Variants in SOCS5 observed in about 807,000 individuals in gnomAD.
SOCS5 encodes suppressor of cytokine signaling 5, also known as CIS-6.
In SOCS5, 32 loss-of-function variants were observed where a neutral mutation model predicts 42.8. The observed-to-expected ratio is 0.75, with a 90% CI of 0.56 to 1.01. The LOEUF (loss-of-function observed/expected upper bound fraction) is 1.01, where lower values mean the gene tolerates loss of function less well. Ranked by LOEUF, SOCS5 falls within the 50% of genes least tolerant of loss-of-function variation. The pLI is 0.00. For missense variants in SOCS5, 627 were observed against 653.0 expected (o/e 0.96, Z 0.43); for synonymous variants, 283 against 229.6 (o/e 1.23, Z -2.10).
chr2:46,721,011 C>A (rs897530), intron 1 of SOCS5, among the ~76,000 whole-genome samples: 202 of 151,998 alleles, frequency 1.3e-3, no homozygotes, highest in Middle Eastern at 3.4e-3. Flanking sequence ...TAGTCAAATC[C>A]AAATCAGAGG....
chr2:46,725,488 C>G (rs537220665), intron 1 of SOCS5, among the ~76,000 whole-genome samples: 6 of 151,980 alleles, frequency 3.9e-5, no homozygotes, highest in Non-Finnish European at 8.8e-5. Context: ...GTTTTTAGTA[C>G]TCTATTTTAA....
At chr2:46,699,157 C>T (rs1672282368), upstream of SOCS5, 1 of 153,966 alleles carries the variant, frequency 6.5e-6, no homozygotes, top group Admixed American at 6.5e-5. This position sits in a 1 kb window ranked among gnomAD's most constrained non-coding sequence, Gnocchi z 4.8. Context: ...CCCCCCGCCC[C>T]CCGCCCCGGG....
chr2:46,720,533 T>C (rs942265951), intron 1 of SOCS5, among the ~76,000 whole-genome samples: 1 of 152,220 alleles, frequency 6.6e-6, no homozygotes, highest in African/African-American at 2.4e-5. Context: ...CTAAAACAGC[T>C]TGGTATTTTT....
intron 1 of SOCS5, among the ~76,000 whole-genome samples, chr2:46,743,307 T>A (rs953673180): frequency 4.6e-5 from 7 of 152,182 alleles, no homozygotes; most frequent in African/African-American, 1.4e-4. Context: ...AGAATGGCTC[T>A]TCCATAGAGC....
intron 1 of SOCS5, among the ~76,000 whole-genome samples, chr2:46,719,845 G>A (rs971049158): frequency 5.3e-5 from 8 of 152,176 alleles, no homozygotes; most frequent in African/African-American, 1.9e-4. Flanking sequence ...TAACCTAAGT[G>A]GTCTAGAGGC....
At position 46,759,757 on chromosome 2, in the gene SOCS5, G is replaced by C. The variant is rs1471568916; in HGVS notation, c.1227G>C (p.Ala409=). The C allele has an allele frequency of 1.2e-6, 2 of 1,614,010 alleles. No individual in the cohort carries two copies. Among genetic ancestry groups the C allele is most frequent in the Non-Finnish European group, 1.7e-6 (2 of 1,180,028 alleles). ...PEGTFLLRDS[A]QEDYLFSVSF... ...GCACGTTTTTGCTCAGGGACTCTGCGCAAGAGGACTACCTCTTCTCTGTGA... is the reference window on the plus strand; with the variant it reads ...GCACGTTTTTGCTCAGGGACTCTGCCCAAGAGGACTACCTCTTCTCTGTGA... The change falls in exon 2 of 2, where the codon GCG becomes GCC. Residue 409 remains alanine, a synonymous_variant. Coordinates refer to ENST00000394861, the MANE Select transcript of SOCS5 (RefSeq NM_144949.3).
chr2:46,745,849 G>C (rs533905571), intron 1 of SOCS5, among the ~76,000 whole-genome samples: 1 of 152,282 alleles, frequency 6.6e-6, no homozygotes, highest in East Asian at 1.9e-4. Context: ...AGAGCGGCCA[G>C]TCAGAATTCC....
At chr2:46,724,207 A>C (rs1398657641) in intron 1 of SOCS5, among the ~76,000 whole-genome samples, 2 of 147,490 alleles carry the variant, frequency 1.4e-5, no homozygotes, top group African/African-American at 2.5e-5. Flanking sequence ...AGATAGTTTT[A>C]TTTCTTTCTA....
intron 1 of SOCS5, among the ~76,000 whole-genome samples, chr2:46,736,175 G>T (rs1045935194): frequency 6.6e-6 from 1 of 151,982 alleles, no homozygotes; most frequent in African/African-American, 2.4e-5. Flanking sequence ...CCAAGTAGCT[G>T]GGATTGTAGG....
intron 1 of SOCS5, among the ~76,000 whole-genome samples, chr2:46,736,279 G>A (rs1558407750): frequency 6.6e-6 from 1 of 152,066 alleles, no homozygotes. Context: ...CTGGGCCCAA[G>A]CGATCCTCCT....
chr2:46,716,075 G>T, intron 1 of SOCS5, among the ~76,000 whole-genome samples: 1 of 146,072 alleles, frequency 6.8e-6, no homozygotes, highest in African/African-American at 2.5e-5. Flanking sequence ...TTGCTGTTAT[G>T]CCTGTCCAGT....
chr2:46,718,916 C>T (rs530036649), intron 1 of SOCS5, among the ~76,000 whole-genome samples: 2 of 152,244 alleles, frequency 1.3e-5, no homozygotes, highest in East Asian at 3.9e-4. Flanking sequence ...TGTTCATACC[C>T]TTTGCCCAAG....
chr2:46,730,774 TAATC>T (rs1673099163), intron 1 of SOCS5, among the ~76,000 whole-genome samples: 1 of 152,280 alleles, frequency 6.6e-6, no homozygotes, highest in Non-Finnish European at 1.5e-5. Context: ...TCTGCTTTAT[TAATC>T]AGTCTATAAT....
chr2:46,723,415 T>G (rs930347827), intron 1 of SOCS5, among the ~76,000 whole-genome samples: 1 of 152,098 alleles, frequency 6.6e-6, no homozygotes, highest in African/African-American at 2.4e-5. Context: ...AGGTTTGCAT[T>G]CTACAAAACA....
intron 1 of SOCS5, among the ~76,000 whole-genome samples, chr2:46,709,125 C>T (rs535468414): frequency 1.3e-5 from 2 of 152,244 alleles, no homozygotes; most frequent in African/African-American, 4.8e-5. Context: ...ACCTCGCGAT[C>T]CGCCCGCCTT....
chr2:46,740,549 C>A (rs373945245), intron 1 of SOCS5, among the ~76,000 whole-genome samples: 1 of 151,930 alleles, frequency 6.6e-6, no homozygotes, highest in Non-Finnish European at 1.5e-5. Context: ...ATAGGAGGGG[C>A]CTGTGATAGA....
intron 1 of SOCS5, among the ~76,000 whole-genome samples, chr2:46,716,243 A>G (rs1005210703): frequency 3.3e-5 from 5 of 150,038 alleles, no homozygotes; most frequent in African/African-American, 1.2e-4. Flanking sequence ...AATAGCTGTT[A>G]TAAGGTCTTT....
At chr2:46,749,860 A>C (rs1353776625) in intron 1 of SOCS5, among the ~76,000 whole-genome samples, 1 of 152,210 alleles carries the variant, frequency 6.6e-6, no homozygotes, top group East Asian at 1.9e-4. Context: ...TGTACATAGG[A>C]AAGTGACATT....
chr2:46,746,637 A>T (rs1572845101), intron 1 of SOCS5, among the ~76,000 whole-genome samples: 2 of 146,738 alleles, frequency 1.4e-5, no homozygotes, highest in African/African-American at 2.5e-5. Context: ...GGCGACAGAG[A>T]CTCCATCTCA....
Sources: allele counts gnomAD v4.1 joint callset (sites outside exome capture counted in the v4.1 genomes callset), GRCh38; gene constraint gnomAD v4.1.1; non-coding constraint Gnocchi (gnomAD v3.1); transcripts MANE v1.5; gene names NCBI Gene and HGNC (gene_info 2026-07-23, HGNC 2026-07-21).